The following BRD10 variants were observed in gnomAD, a reference collection of about 807,000 sequenced individuals.
BRD10 encodes the protein uncharacterized bromodomain-containing protein 10.
chr9:6,007,137 C>CGTGTGAGT, the BRD10 span: 7 of 1,532,292 alleles, frequency 4.6e-6, no homozygotes, highest in Non-Finnish European at 4.5e-6. Flanking sequence ...TCCTCGGGCA[C>CGTGTGAGT]GTGTGAGTGT....
chr9:5,967,732 GGAAA>G, the BRD10 span, among the ~76,000 whole-genome samples: 3 of 148,368 alleles, frequency 2.0e-5, no homozygotes, highest in South Asian at 2.1e-4. Flanking sequence ...ATAAGCGATG[GGAAA>G]GAAATTGGTC....
the BRD10 span, chr9:5,908,686 C>CA: frequency 6.2e-7 from 1 of 1,614,056 alleles, no homozygotes; most frequent in Non-Finnish European, 8.5e-7. Context: ...GCAGAACAGT[C>CA]ACCACCACCT....
chr9:5,920,174 T>A, the BRD10 span: 1 of 1,614,016 alleles, frequency 6.2e-7, no homozygotes, highest in Non-Finnish European at 8.5e-7. Context: ...TGTGATCTTC[T>A]GGGCAGAGTT....
At chr9:5,918,867 T>C in the BRD10 span, 2 of 150,062 alleles carry the variant, frequency 1.3e-5, no homozygotes, top group South Asian at 2.1e-4. Flanking sequence ...TAAGTGAAAG[T>C]AGTATTTGTA....
the BRD10 span, among the ~76,000 whole-genome samples, chr9:5,951,073 CA>C: frequency 2.7e-4 from 39 of 146,498 alleles, no homozygotes; most frequent in East Asian, 1.6e-3. Context: ...CACACACACA[CA>C]CACCCCCACC....
At chr9:5,980,734 G>C in the BRD10 span, among the ~76,000 whole-genome samples, 1 of 151,972 alleles carries the variant, frequency 6.6e-6, no homozygotes, top group Non-Finnish European at 1.5e-5. Context: ...GTTTGTGTCT[G>C]CCCAGATGAT....
the BRD10 span, among the ~76,000 whole-genome samples, chr9:5,978,858 A>G: frequency 6.6e-6 from 1 of 152,220 alleles, no homozygotes; most frequent in African/African-American, 2.4e-5. Context: ...TGTTCATGCA[A>G]TATCAAGTAA....
chr9:5,959,684 A>G, the BRD10 span, among the ~76,000 whole-genome samples: 1 of 152,318 alleles, frequency 6.6e-6, no homozygotes, highest in African/African-American at 2.4e-5. Flanking sequence ...CTACAGAACT[A>G]TATAATAACC....
At chr9:5,976,351 A>G in the BRD10 span, among the ~76,000 whole-genome samples, 1 of 152,202 alleles carries the variant, frequency 6.6e-6, no homozygotes, top group Admixed American at 6.5e-5. Context: ...TTTTTCTTCA[A>G]TGTACTGTTA....
chr9:5,921,686 G>T, the BRD10 span: 1 of 1,613,874 alleles, frequency 6.2e-7, no homozygotes, highest in South Asian at 1.1e-5. Context: ...TTGCTGTTTA[G>T]TTGGAGTATG....
chr9:5,905,959 G>A, the BRD10 span, among the ~76,000 whole-genome samples: 1 of 151,916 alleles, frequency 6.6e-6, no homozygotes, highest in Non-Finnish European at 1.5e-5. Flanking sequence ...TTGTATCATT[G>A]CTGTTATTAA....
the BRD10 span, among the ~76,000 whole-genome samples, chr9:5,943,035 G>A: frequency 3.3e-5 from 5 of 152,008 alleles, no homozygotes; most frequent in Admixed American, 2.6e-4. Flanking sequence ...GCACCACCAC[G>A]CTGAGCTAAT....
At chr9:5,881,913 T>C in the BRD10 span, among the ~76,000 whole-genome samples, 17 of 152,300 alleles carry the variant, frequency 1.1e-4, 1 homozygote, top group East Asian at 2.5e-3. Flanking sequence ...GCAATGGAGA[T>C]ACAGAAAGAC....
At chr9:6,004,585 T>G in the BRD10 span, among the ~76,000 whole-genome samples, 1 of 152,206 alleles carries the variant, frequency 6.6e-6, no homozygotes, top group Non-Finnish European at 1.5e-5. Flanking sequence ...TGAAAATAAG[T>G]TCCTTTAGTG....
chr9:5,919,697 CTG>C, the BRD10 span: 1 of 1,609,154 alleles, frequency 6.2e-7, no homozygotes, highest in Non-Finnish European at 8.5e-7. Flanking sequence ...AGATGCAGCT[CTG>C]TCAGGCTTCT....
chr9:5,923,483 G>C, the BRD10 span, among the ~76,000 whole-genome samples: 1 of 152,142 alleles, frequency 6.6e-6, no homozygotes, highest in South Asian at 2.1e-4. Context: ...GGTCATCTTT[G>C]ACATGATAAT....
the BRD10 span, chr9:5,968,074 G>C: frequency 6.4e-7 from 1 of 1,556,894 alleles, no homozygotes; most frequent in Non-Finnish European, 8.7e-7. Context: ...ACTTATTCTG[G>C]ATCTCAGGTT....
At chr9:5,952,364 T>C in the BRD10 span, among the ~76,000 whole-genome samples, 1 of 152,176 alleles carries the variant, frequency 6.6e-6, no homozygotes, top group Non-Finnish European at 1.5e-5. Flanking sequence ...ATTTTGACCA[T>C]GACCCATGGT....
the BRD10 span, among the ~76,000 whole-genome samples, chr9:5,908,295 G>T: frequency 6.6e-6 from 1 of 152,110 alleles, no homozygotes; most frequent in Non-Finnish European, 1.5e-5. Context: ...CAATTACAAC[G>T]ATCTCTGTGG....
Sources: gnomAD v4.1 joint callset for allele counts (sites outside exome capture counted in the v4.1 genomes callset) on GRCh38, gnomAD v4.1.1 for gene constraint, MANE v1.5 for transcripts, NCBI Gene and HGNC (gene_info 2026-07-23, HGNC 2026-07-21) for gene names.